SLC45A4: variants seen among roughly 807,000 people sequenced by gnomAD.
The protein encoded by SLC45A4 is polyamine-transporter SLC45A4.
In SLC45A4, 32 loss-of-function variants were observed where a neutral mutation model predicts 63.7. The observed-to-expected ratio is 0.50, with a 90% CI of 0.38 to 0.67. The LOEUF (loss-of-function observed/expected upper bound fraction) is 0.67. Ranked by LOEUF, SLC45A4 falls within the 30% of genes least tolerant of loss-of-function variation. The pLI is 0.00. For missense variants in SLC45A4, 1,027 were observed against 1,157.7 expected (o/e 0.89, Z 1.64); for synonymous variants, 535 against 510.0 (o/e 1.05, Z -0.66).
In SLC45A4 at chr8:141,208,309, C is replaced by T. The variant is rs1370406876; in HGVS notation, c.*3263G>A. 6.6e-6 allele frequency: 1 copy of T among 152,234 alleles called. No homozygotes were observed. Among genetic ancestry groups the T allele is most frequent in the East Asian group, 1.9e-4 (1 of 5,194 alleles). 9.4% of individuals were successfully genotyped at this position (152,234 alleles called of 1,614,324 possible). On this transcript the variant is annotated 3_prime_UTR_variant, in exon 9 of 9. Transcript: ENST00000517878. ...TTTTTCAAACATGTCACCCGAACAT[C>T]ACCGCCCCAGCAGTGGGAGAGCCGA...
chr8:141,300,935 C>A (rs1013191430), intron 1 of SLC45A4, among the ~76,000 whole-genome samples: 1 of 152,248 alleles, frequency 6.6e-6, no homozygotes, highest in African/African-American at 2.4e-5. Flanking sequence ...GGACCTTACC[C>A]GTGGACCAAG....
rs1169559461 is a variant in SLC45A4 at position 141,230,364 on chromosome 8, G to A, written c.242-8599C>T. The A allele has an allele frequency of 3.2e-5, 11 of 342,600 alleles. No individual in the cohort carries two copies. In the Admixed American group the frequency reaches 4.0e-4, roughly 12 times the overall value. 21.2% of individuals were successfully genotyped at this position (342,600 alleles called of 1,614,324 possible). On this transcript the variant is annotated intron_variant, in intron 2 of 8. Transcript: ENST00000517878. ...AGCCTCTCAGGACAGAAGGCAGAGA[G>A]GGAAGCGGCCGCAAAGACCCATGGG...
intron 1 of SLC45A4, among the ~76,000 whole-genome samples, chr8:141,269,735 C>A (rs1477774987): frequency 6.6e-6 from 1 of 151,826 alleles, no homozygotes; most frequent in South Asian, 2.1e-4. Flanking sequence ...CTGGATGGAT[C>A]TATATGTGTC....
intron 2 of SLC45A4, among the ~76,000 whole-genome samples, chr8:141,235,531 GA>G (rs1306521289): frequency 8.5e-5 from 13 of 152,170 alleles, no homozygotes; most frequent in Non-Finnish European, 4.4e-5. Context: ...AAGAACTGGT[GA>G]ATTATCCGAA....
intron 1 of SLC45A4, among the ~76,000 whole-genome samples, chr8:141,262,035 C>G (rs1829058730): frequency 6.6e-6 from 1 of 152,180 alleles, no homozygotes; most frequent in Non-Finnish European, 1.5e-5. Flanking sequence ...ATCAATGGAA[C>G]AGAACAGAGC....
intron 1 of SLC45A4, among the ~76,000 whole-genome samples, chr8:141,264,034 G>A (rs1319209341): frequency 6.6e-6 from 1 of 152,158 alleles, no homozygotes; most frequent in Non-Finnish European, 1.5e-5. Flanking sequence ...AAGGGCCAAG[G>A]CTGAAGGACA....
intron 1 of SLC45A4, among the ~76,000 whole-genome samples, chr8:141,304,538 GAC>G (rs1168164959): frequency 2.2e-5 from 3 of 138,244 alleles, no homozygotes; most frequent in Admixed American, 1.5e-4. Context: ...CAGCCTGGGT[GAC>G]AGAGTAAGAC....
intron 2 of SLC45A4, among the ~76,000 whole-genome samples, chr8:141,244,786 A>C (rs895529979): frequency 6.6e-6 from 1 of 152,112 alleles, no homozygotes; most frequent in African/African-American, 2.4e-5. Flanking sequence ...CCAGTGTGAC[A>C]CCGACGGGGC....
rs759202051 is a variant in SLC45A4 at position 141,219,663 on chromosome 8, G to A, written c.597C>T (p.His199=). The A allele has an allele frequency of 3.3e-5, 53 of 1,609,920 alleles. No homozygotes were observed. The highest frequency in any genetic ancestry group is 1.6e-4 in the Middle Eastern group (1 of 6,064). Residue 199 remains histidine (H), a synonymous_variant, in exon 4 of 9, where the codon CAC becomes CAT. Transcript: ENST00000517878. ...CGGCAGCGTTACCGGCAGAGAAGGC[G>A]TGGATGTTGAGGGCCATGTCCTGCT... ...SEEQDMALNI[H]AFSAGLGGAI...
chr8:141,259,736 G>A (rs897002565), intron 1 of SLC45A4, among the ~76,000 whole-genome samples: 2 of 152,088 alleles, frequency 1.3e-5, no homozygotes, highest in African/African-American at 4.8e-5. Context: ...CTCATCCCCC[G>A]CTTTCATCTG....
chr8:141,233,857 C>A (rs1234830856), intron 2 of SLC45A4, among the ~76,000 whole-genome samples: 1 of 152,184 alleles, frequency 6.6e-6, no homozygotes, highest in Non-Finnish European at 1.5e-5. Flanking sequence ...GCAGGTCCAG[C>A]AGGTCTGCGG....
intron 2 of SLC45A4, chr8:141,224,188 T>C (rs1394451069): frequency 6.6e-6 from 1 of 152,172 alleles, no homozygotes; most frequent in Non-Finnish European, 1.5e-5. Context: ...CTGAACCCCA[T>C]GGTTTCTGAC....
chr8:141,212,138 G>GGCCCCC lies in SLC45A4; in HGVS notation c.2301+58_2301+59insGGGGGC. Reference sequence around the variant, plus strand: ...CTCCCGCCCATGGCCTGGCCCCGCCGCCCGCCCGCCCGCCCACCCGCCCAC... The same window carrying GGCCCCC: ...CTCCCGCCCATGGCCTGGCCCCGCCGGCCCCCCCCGCCCGCCCGCCCACCCGCCCAC... On this transcript the variant is annotated intron_variant, in intron 8 of 8. Coordinates refer to ENST00000517878, the MANE Select transcript of SLC45A4 (RefSeq NM_001286646.2). 5 of 664,736 alleles carry GGCCCCC rather than the reference G, an allele frequency of 7.5e-6. 1 individual carries two copies. The highest frequency in any genetic ancestry group is 7.5e-6 in the Non-Finnish European group (4 of 531,370). The allele number at this position is 664,736 out of a possible 1,614,324, so 41.2% of individuals were successfully genotyped here.
chr8:141,252,483 G>A (rs894922697), intron 2 of SLC45A4: 3 of 132,158 alleles, frequency 2.3e-5, no homozygotes, highest in Admixed American at 1.6e-4. Context: ...GTGAATTTCC[G>A]TGTTTTCACG....
At chr8:141,268,374 C>T (rs543877698) in intron 1 of SLC45A4, among the ~76,000 whole-genome samples, 87 of 152,254 alleles carry the variant, frequency 5.7e-4, no homozygotes, top group Middle Eastern at 6.8e-3. Context: ...TAATGGCAGA[C>T]GCATGTCACT....
chr8:141,249,078 C>T (rs1359412239), intron 2 of SLC45A4, among the ~76,000 whole-genome samples: 1 of 151,450 alleles, frequency 6.6e-6, no homozygotes, highest in Non-Finnish European at 1.5e-5. Context: ...GGTTCACACC[C>T]ACTTCGATGA....
chr8:141,259,973 G>A (rs1297736810), intron 1 of SLC45A4, among the ~76,000 whole-genome samples: 1 of 152,188 alleles, frequency 6.6e-6, no homozygotes, highest in Non-Finnish European at 1.5e-5. Context: ...CTGAAGTCAC[G>A]CCCAGGTGCC....
intron 1 of SLC45A4, among the ~76,000 whole-genome samples, chr8:141,266,982 C>A (rs752945782): frequency 7.2e-5 from 11 of 152,244 alleles, no homozygotes; most frequent in Non-Finnish European, 1.2e-4. Flanking sequence ...TTGAGCTATA[C>A]TGGACTCAGA....
chr8:141,225,378 A>G (rs540382696), intron 2 of SLC45A4: 1 of 152,280 alleles, frequency 6.6e-6, no homozygotes, highest in Non-Finnish European at 1.5e-5. Context: ...GGAGTTAACT[A>G]TCCAAGTTTC....
Sources: allele counts gnomAD v4.1 joint callset (sites outside exome capture counted in the v4.1 genomes callset), GRCh38; gene constraint gnomAD v4.1.1; transcripts MANE v1.5; gene names NCBI Gene and HGNC (gene_info 2026-07-23, HGNC 2026-07-21).